RFFL: variants seen among roughly 807,000 people sequenced by gnomAD.
RFFL encodes E3 ubiquitin-protein ligase rififylin.
RFFL carries 16 observed loss-of-function variants against 40.4 expected under a neutral mutation model. That is an observed-to-expected ratio of 0.40 (90% CI 0.27 to 0.60). The LOEUF is 0.60. Among genes scored for constraint, RFFL ranks in the 20% least tolerant of loss-of-function variants. RFFL has a pLI of 0.47. For missense variants in RFFL, 367 were observed against 451.7 expected, an observed-to-expected ratio of 0.81 and a Z score of 1.70; for synonymous variants, 154 against 167.9, an observed-to-expected ratio of 0.92 and a Z score of 0.64.
At chr17:35,018,764 A>C (rs142300593) in intron 3 of RFFL, 36 of 152,372 alleles carry the variant, frequency 2.4e-4, no homozygotes, top group African/African-American at 8.2e-4. Context: ...GATGGATCCA[A>C]ATCAATGTCT....
chr17:35,078,825 C>A (rs1281828201), intron 1 of RFFL, among the ~76,000 whole-genome samples: 1 of 151,678 alleles, frequency 6.6e-6, no homozygotes, highest in African/African-American at 2.4e-5. Flanking sequence ...ACAAAAAATA[C>A]AAAAATTAGC....
chr17:35,069,444 T>C, intron 1 of RFFL: 2 of 405,498 alleles, frequency 4.9e-6, no homozygotes, highest in Non-Finnish European at 9.9e-6. Flanking sequence ...AGGATACGAC[T>C]GCACAGCTTG....
chr17:35,053,156 T>G (rs2091241327), intron 1 of RFFL, among the ~76,000 whole-genome samples: 1 of 152,182 alleles, frequency 6.6e-6, no homozygotes, highest in African/African-American at 2.4e-5. Flanking sequence ...GTTGATGGAC[T>G]AGGAGCTGGA....
At position 35,010,401 on chromosome 17, in the gene RFFL, CTG is replaced by C. The variant is rs1287253083; in HGVS notation, c.*1565_*1566del. 4.6e-5 allele frequency: 7 copies of C among 152,240 alleles called. No individual in the cohort carries two copies. Among genetic ancestry groups the C allele is most frequent in the East Asian group, 1.9e-4 (1 of 5,200 alleles). The allele number at this position is 152,240 out of a possible 1,614,324, so 9.4% of individuals were successfully genotyped here. A position where few individuals can be genotyped will look rare whatever the true frequency, so the allele number is the denominator to read the frequency against. Reference sequence around the variant, plus strand: ...TCCAGCTCCTCTAGGGGTGTAAAGACTGTGAGGGCTCAAATACATCACCTACT... The same window carrying C: ...TCCAGCTCCTCTAGGGGTGTAAAGACTGAGGGCTCAAATACATCACCTACT... On this transcript the variant is annotated 3_prime_UTR_variant, in exon 7 of 7. Coordinates refer to ENST00000394597, the MANE Select transcript of RFFL (RefSeq NM_001017368.2).
chr17:35,086,195 T>C (rs1437613873), intron 1 of RFFL, among the ~76,000 whole-genome samples: 2 of 152,130 alleles, frequency 1.3e-5, no homozygotes, highest in Non-Finnish European at 2.9e-5. Context: ...ATGAAAAGCT[T>C]GTCTTTAGGC....
At chr17:35,089,077 C>CCCAGCGCCG (rs2091445572) in intron 1 of RFFL, 1 of 153,450 alleles carries the variant, frequency 6.5e-6, no homozygotes. Flanking sequence ...CCCAGCGGCC[C>CCCAGCGCCG]CCAGCGCCGC....
In RFFL at chr17:35,016,396, T is replaced by A. The variant is rs751331344; in HGVS notation, c.860A>T (p.Lys287Met). The A allele has an allele frequency of 6.2e-7, 1 of 1,614,208 alleles. No individual in the cohort carries two copies. ...ELMERVTRLY[K>M]DQKGLQHLVS... ...CAGGTGCTGGAGTCCTTTCTGATCC[T>A]TGTATAGCCGGGTCACTCTCTCCAT... Residue 287 changes from lysine (K) to methionine (M), a missense_variant, in exon 5 of 7, where the codon AAG (lysine) becomes ATG (methionine). By Grantham distance (95) the Lys-to-Met change is moderately conservative. Coordinates refer to ENST00000394597, the MANE Select transcript of RFFL (RefSeq NM_001017368.2).
intron 1 of RFFL, among the ~76,000 whole-genome samples, chr17:35,027,217 C>T (rs116335340): frequency 0.012 from 1,764 of 152,218 alleles, 35 homozygotes; most frequent in African/African-American, 0.039. Context: ...ACATTTGTAC[C>T]CCCAATCCTA....
chr17:35,086,552 C>T (rs908936134), intron 1 of RFFL, among the ~76,000 whole-genome samples: 1 of 151,500 alleles, frequency 6.6e-6, no homozygotes, highest in Non-Finnish European at 1.5e-5. Context: ...ATAACCATTA[C>T]CAATAACCAG....
At chr17:35,064,924 T>C (rs537772513), upstream of RFFL, among the ~76,000 whole-genome samples, 29 of 152,366 alleles carry the variant, frequency 1.9e-4, no homozygotes, top group African/African-American at 5.8e-4. Context: ...AATTACATTA[T>C]TCCAGTAGGA....
chr17:35,047,940 C>T (rs766016851), intron 1 of RFFL, among the ~76,000 whole-genome samples: 141 of 151,618 alleles, frequency 9.3e-4, no homozygotes, highest in Middle Eastern at 3.4e-3. Flanking sequence ...TTAGTAGAGA[C>T]GGGGTTTCAC....
chr17:35,085,093 C>G (rs915285629), intron 1 of RFFL, among the ~76,000 whole-genome samples: 25 of 152,146 alleles, frequency 1.6e-4, no homozygotes, highest in Admixed American at 1.3e-3. Context: ...GGGAAATCTG[C>G]ATTTTTAAAG....
At chr17:35,055,331 G>A (rs2091254332) in intron 1 of RFFL, among the ~76,000 whole-genome samples, 2 of 152,058 alleles carry the variant, frequency 1.3e-5, no homozygotes, top group African/African-American at 4.8e-5. Flanking sequence ...TCTTCATTAT[G>A]AAGCTGTCTT....
upstream of RFFL, among the ~76,000 whole-genome samples, chr17:35,065,703 G>T (rs1597838907): frequency 6.6e-6 from 1 of 152,116 alleles, no homozygotes; most frequent in African/African-American, 2.4e-5. Context: ...CAAGTGAACA[G>T]AGCTGCTGCA....
chr17:35,081,372 T>C (rs1026708698), intron 1 of RFFL, among the ~76,000 whole-genome samples: 1 of 152,226 alleles, frequency 6.6e-6, no homozygotes, highest in African/African-American at 2.4e-5. Context: ...AGGTATCACA[T>C]CACAGCCTTT....
At chr17:35,079,430 T>A (rs1002300394) in intron 1 of RFFL, among the ~76,000 whole-genome samples, 1 of 152,244 alleles carries the variant, frequency 6.6e-6, no homozygotes, top group Non-Finnish European at 1.5e-5. Flanking sequence ...GTATCTCAAA[T>A]AAAAACCTAA....
At chr17:35,079,711 T>C (rs2091395000) in intron 1 of RFFL, among the ~76,000 whole-genome samples, 1 of 152,156 alleles carries the variant, frequency 6.6e-6, no homozygotes, top group Admixed American at 6.6e-5. Context: ...ATGGGAGTGG[T>C]GGGGATGATT....
At chr17:35,027,920 C>A (rs181657602) in intron 1 of RFFL, among the ~76,000 whole-genome samples, 1,523 of 152,098 alleles carry the variant, frequency 0.01, 25 homozygotes, top group Admixed American at 0.049. Flanking sequence ...GTAACCCCAG[C>A]TACTTGGGAG....
At position 35,016,508 on chromosome 17, in the gene RFFL, T is replaced by A; in HGVS notation, c.748A>T (p.Ile250Phe). The A allele has an allele frequency of 6.2e-7, 1 of 1,614,206 alleles. No homozygotes were observed. The highest frequency in any genetic ancestry group is 8.5e-7 in the Non-Finnish European group (1 of 1,180,028). ...AGCTGCCGCACTGTCAGGCCTTCAA[T>A]GTCCTCCAGGTCAGTCAGGTCAGAC... is the stretch of plus-strand genomic sequence containing the variant. The part of the protein sequence containing the change: ...SLSDLTDLED[I>F]EGLTVRQLKE... The change falls in exon 5 of 7, where the codon ATT becomes TTT. Residue 250 changes from isoleucine to phenylalanine, a missense_variant. Physicochemically the swap from Ile to Phe is conservative, Grantham distance 21. Transcript: ENST00000394597.
Sources: gnomAD v4.1 joint callset for allele counts (sites outside exome capture counted in the v4.1 genomes callset) on GRCh38, gnomAD v4.1.1 for gene constraint, MANE v1.5 for transcripts, NCBI Gene and HGNC (gene_info 2026-07-23, HGNC 2026-07-21) for gene names.